The following PTPRG variants were observed in gnomAD, a reference collection of about 807,000 sequenced individuals.
PTPRG encodes the protein receptor-type tyrosine-protein phosphatase gamma.
PTPRG carries 102 observed loss-of-function variants against 165.3 expected under a neutral mutation model. The ratio of observed to expected loss-of-function variants is 0.62; its 90% CI spans 0.53 to 0.73. The LOEUF (loss-of-function observed/expected upper bound fraction) is 0.73, where lower values mean the gene tolerates loss of function less well. Ranked by LOEUF, PTPRG falls within the 30% of genes least tolerant of loss-of-function variation. PTPRG has a pLI of 0.00. For missense variants in PTPRG, 1,866 were observed against 1,861.4 expected, an observed-to-expected ratio of 1.00 and a Z score of -0.05; for synonymous variants, 675 against 669.5, an observed-to-expected ratio of 1.01 and a Z score of -0.13.
intron 1 of PTPRG, among the ~76,000 whole-genome samples, chr3:61,621,537 C>A (rs1258428474): frequency 3.9e-5 from 6 of 152,186 alleles, no homozygotes; most frequent in Non-Finnish European, 8.8e-5. Flanking sequence ...TTCATCTCAG[C>A]AATTTTGTTT....
chr3:61,908,931 GA>G (rs2038728489), intron 2 of PTPRG, among the ~76,000 whole-genome samples: 1 of 152,154 alleles, frequency 6.6e-6, no homozygotes, highest in Non-Finnish European at 1.5e-5. Context: ...CATTCCAAGT[GA>G]GATTTCCTAC....
chr3:62,207,593 CAATT>C (rs1700260973), intron 12 of PTPRG, among the ~76,000 whole-genome samples: 1 of 152,096 alleles, frequency 6.6e-6, no homozygotes, highest in Non-Finnish European at 1.5e-5. Flanking sequence ...TAAGGAAAAA[CAATT>C]ACTTTAATCA....
At chr3:61,752,657 G>A (rs895308037) in intron 2 of PTPRG, among the ~76,000 whole-genome samples, 5 of 151,450 alleles carry the variant, frequency 3.3e-5, no homozygotes, top group East Asian at 1.9e-4. Context: ...GTGGTGGCGG[G>A]CACCTATAAT....
At chr3:62,249,237 T>C (rs1701356497) in intron 15 of PTPRG, among the ~76,000 whole-genome samples, 1 of 152,194 alleles carries the variant, frequency 6.6e-6, no homozygotes, top group South Asian at 2.1e-4. Context: ...TCTTCCTAAG[T>C]TGACACAAAG....
chr3:62,169,175 G>A (rs961996290), intron 8 of PTPRG, among the ~76,000 whole-genome samples: 1 of 152,100 alleles, frequency 6.6e-6, no homozygotes, highest in South Asian at 2.1e-4. Flanking sequence ...AGGAATGTCT[G>A]TTTTCACTTA....
At position 61,711,940 on chromosome 3, in the gene PTPRG, C is replaced by T. The variant is rs530557781; in HGVS notation, c.86-36938C>T. Among the ~76,000 whole-genome samples, 1,042 of 146,188 alleles carry T rather than the reference C, an allele frequency of 7.1e-3. 9 individuals are homozygous for T. Among genetic ancestry groups the T allele is most frequent in the Middle Eastern group, 0.037 (10 of 272 alleles). Reference sequence around the variant, plus strand: ...CGGAGTTTCACTCTTGTTGCCCAGGCTGGAGTGCAATGGTGTGATCTCGGC... The same window carrying T: ...CGGAGTTTCACTCTTGTTGCCCAGGTTGGAGTGCAATGGTGTGATCTCGGC... On this transcript the variant is annotated intron_variant, in intron 1 of 29. Coordinates refer to ENST00000474889, the MANE Select transcript of PTPRG (RefSeq NM_002841.4).
At chr3:62,100,277 C>T (rs1213130352) in intron 5 of PTPRG, among the ~76,000 whole-genome samples, 1 of 152,040 alleles carries the variant, frequency 6.6e-6, no homozygotes, top group African/African-American at 2.4e-5. Context: ...GCTCTGGTGA[C>T]CTGTGTGGTG....
chr3:62,248,122 A>G (rs1701331598), intron 15 of PTPRG, among the ~76,000 whole-genome samples: 1 of 152,176 alleles, frequency 6.6e-6, no homozygotes, highest in South Asian at 2.1e-4. Context: ...TAGCCATGTT[A>G]GAAAAAACTC....
chr3:62,159,143 G>C (rs1230204784), intron 7 of PTPRG, among the ~76,000 whole-genome samples: 2 of 151,840 alleles, frequency 1.3e-5, no homozygotes, highest in Admixed American at 1.3e-4. Flanking sequence ...TGGGCAACAT[G>C]GCAAGACCCC....
intron 4 of PTPRG, among the ~76,000 whole-genome samples, chr3:62,038,822 C>G (rs1368483405): frequency 6.6e-6 from 1 of 152,012 alleles, no homozygotes; most frequent in Non-Finnish European, 1.5e-5. Context: ...ATTTTAACTT[C>G]AGGAGTACAT....
chr3:61,753,103 G>C (rs1431443113), intron 2 of PTPRG, among the ~76,000 whole-genome samples: 3 of 152,088 alleles, frequency 2.0e-5, no homozygotes, highest in African/African-American at 7.2e-5. Context: ...TGGAAGATTT[G>C]TTGTTTCTCT....
intron 1 of PTPRG, among the ~76,000 whole-genome samples, chr3:61,584,578 T>G (rs1165201524): frequency 2.6e-5 from 4 of 152,156 alleles, no homozygotes; most frequent in Non-Finnish European, 4.4e-5. Context: ...TTTAGGTTTT[T>G]TTTTTTTTTT....
chr3:61,892,303 T>C (rs942757779), intron 2 of PTPRG, among the ~76,000 whole-genome samples: 2 of 152,230 alleles, frequency 1.3e-5, no homozygotes, highest in Non-Finnish European at 2.9e-5. Context: ...CCTGGCCTAC[T>C]GTAGCCTCAG....
At chr3:61,922,630 C>G (rs543666063) in intron 2 of PTPRG, among the ~76,000 whole-genome samples, 7 of 152,312 alleles carry the variant, frequency 4.6e-5, no homozygotes, top group Non-Finnish European at 1.0e-4. Context: ...TAACTTGCTC[C>G]TTAGCTCAGT....
At chr3:61,666,187 T>A (rs1702809002) in intron 1 of PTPRG, among the ~76,000 whole-genome samples, 1 of 152,198 alleles carries the variant, frequency 6.6e-6, no homozygotes, top group Non-Finnish European at 1.5e-5. Context: ...CTGTTCCTCT[T>A]ATGCCGGCTG....
chr3:62,022,801 A>T (rs1345411798), intron 4 of PTPRG, among the ~76,000 whole-genome samples: 2 of 152,210 alleles, frequency 1.3e-5, no homozygotes, highest in Non-Finnish European at 2.9e-5. Context: ...GGTATTTTGT[A>T]TAGAAGCTGT....
Position 62,191,505 on chromosome 3 carries a change from C to T in PTPRG, c.1070C>T (p.Pro357Leu). 6.2e-7 allele frequency: 1 copy of T among 1,614,154 alleles called. No homozygotes were observed. Among genetic ancestry groups the T allele is most frequent in the Non-Finnish European group, 8.5e-7 (1 of 1,180,034 alleles). Reference sequence around the variant, plus strand: ...CCACCCATCCACATGAAGGTGCAGCCTCTGAACCAGACGGCACTGCAGGTG... The same window carrying T: ...CCACCCATCCACATGAAGGTGCAGCTTCTGAACCAGACGGCACTGCAGGTG... ...SSPPIHMKVQ[P>L]LNQTALQVSW... Residue 357 changes from proline (P) to leucine (L), a missense_variant, in exon 9 of 30, where the codon CCT becomes CTT. Around this residue, in one of 3 missense-constraint regions of PTPRG, gnomAD observed 1,452 missense variants for 1,463.0 expected, o/e 0.99. Transcript: ENST00000474889.
intron 1 of PTPRG, among the ~76,000 whole-genome samples, chr3:61,672,475 C>A (rs1475794648): frequency 1.4e-5 from 2 of 143,998 alleles, no homozygotes; most frequent in Non-Finnish European, 3.0e-5. Context: ...CCCGGCACCT[C>A]GGGAGGCCGA....
At chr3:61,836,143 G>T (rs2036455037) in intron 2 of PTPRG, among the ~76,000 whole-genome samples, 2 of 148,904 alleles carry the variant, frequency 1.3e-5, no homozygotes. Context: ...ATATTTGTAG[G>T]CCTGCTCTTT....
Sources: allele counts gnomAD v4.1 joint callset (sites outside exome capture counted in the v4.1 genomes callset), GRCh38; gene constraint gnomAD v4.1.1; regional missense constraint gnomAD v4.1.1; transcripts MANE v1.5; gene names NCBI Gene and HGNC (gene_info 2026-07-23, HGNC 2026-07-21).